Variants in NSMCE2 observed in about 807,000 individuals in gnomAD.
NSMCE2 encodes the protein NSE2 SUMO ligase component of SMC5/6 complex.
Under a neutral mutation model 23.8 loss-of-function variants are expected in NSMCE2, and 24 were observed. The observed-to-expected ratio is 1.01, with a 90% CI of 0.73 to 1.42. NSMCE2 has a LOEUF of 1.42. NSMCE2 is among the 40% of genes most tolerant of loss of function. The probability of loss-of-function intolerance (pLI) is 0.00; values close to 1 mark genes in which losing one functional copy is unlikely to be tolerated. For missense variants in NSMCE2, 284 were observed against 296.5 expected (o/e 0.96, Z 0.31); for synonymous variants, 92 against 94.1 (o/e 0.98, Z 0.13).
At chr8:125,318,071 A>C (rs971002624) in intron 5 of NSMCE2, among the ~76,000 whole-genome samples, 4 of 152,176 alleles carry the variant, frequency 2.6e-5, no homozygotes, top group Non-Finnish European at 5.9e-5. Context: ...AGCAGTACCA[A>C]TCACCAGTAA....
intron 5 of NSMCE2, among the ~76,000 whole-genome samples, chr8:125,206,136 T>C (rs905864052): frequency 6.6e-6 from 1 of 152,230 alleles, no homozygotes; most frequent in Non-Finnish European, 1.5e-5. Context: ...TATTTATATG[T>C]ATTCTGATCA....
At position 125,106,995 on chromosome 8, in the gene NSMCE2, CA is replaced by C. The variant is rs1294782045; in HGVS notation, c.157+4518del. ...TAAGTGAAAGGGCAAAATTCTGTCT[CA>C]AAAAAAAAACAACAAAAAAAAACTT... On this transcript the variant is annotated intron_variant, in intron 3 of 7. Transcript: ENST00000287437. Among the ~76,000 whole-genome samples the C allele has an allele frequency of 1.0e-3, 142 of 139,120 alleles. 1 individual carries two copies. Among genetic ancestry groups the C allele is most frequent in the African/African-American group, 3.4e-3 (129 of 38,062 alleles). 91.3% of individuals were successfully genotyped at this position (139,120 alleles called of 152,430 possible). A position where few individuals can be genotyped will look rare whatever the true frequency, so the allele number is the denominator to read the frequency against.
chr8:125,365,705 A>G (rs1813752940), intron 7 of NSMCE2, among the ~76,000 whole-genome samples: 1 of 151,852 alleles, frequency 6.6e-6, no homozygotes, highest in Admixed American at 6.6e-5. Flanking sequence ...AAAATACACA[A>G]AATTAGCCAG....
chr8:125,320,309 GGA>G (rs1186810493), intron 5 of NSMCE2, among the ~76,000 whole-genome samples: 1 of 107,874 alleles, frequency 9.3e-6, no homozygotes, highest in Non-Finnish European at 1.8e-5. Flanking sequence ...AGGAAGGAAG[GGA>G]AGGGAAGGAA....
intron 3 of NSMCE2, among the ~76,000 whole-genome samples, chr8:125,149,914 AT>A (rs1353045009): frequency 6.6e-6 from 1 of 151,936 alleles, no homozygotes; most frequent in East Asian, 1.9e-4. Flanking sequence ...CTTAAAAAGT[AT>A]TTGTAGGGAT....
At chr8:125,189,988 T>C (rs529981204) in intron 5 of NSMCE2, among the ~76,000 whole-genome samples, 2 of 152,358 alleles carry the variant, frequency 1.3e-5, no homozygotes, top group South Asian at 4.1e-4. Flanking sequence ...GTCTTCATTT[T>C]TTCCTTAAAG....
At chr8:125,260,419 AC>A (rs1443581884) in intron 5 of NSMCE2, among the ~76,000 whole-genome samples, 1 of 151,714 alleles carries the variant, frequency 6.6e-6, no homozygotes, top group East Asian at 1.9e-4. Context: ...ATTTTGATTC[AC>A]TGGGGCTATA....
intron 5 of NSMCE2, among the ~76,000 whole-genome samples, chr8:125,231,468 A>C (rs945931911): frequency 6.8e-4 from 104 of 152,276 alleles, no homozygotes; most frequent in African/African-American, 2.1e-3. Context: ...TCAGAGATCA[A>C]CCTCTTTAAT....
At chr8:125,136,861 TA>T (rs1357062868) in intron 3 of NSMCE2, among the ~76,000 whole-genome samples, 1 of 152,108 alleles carries the variant, frequency 6.6e-6, no homozygotes, top group East Asian at 1.9e-4. Flanking sequence ...AAAACATCTT[TA>T]AAATGTCAAT....
intron 7 of NSMCE2, among the ~76,000 whole-genome samples, chr8:125,362,227 G>A (rs978613377): frequency 2.0e-5 from 3 of 152,220 alleles, no homozygotes; most frequent in Non-Finnish European, 2.9e-5. Context: ...TACGGAGACA[G>A]TTGTTTCTCC....
intron 5 of NSMCE2, among the ~76,000 whole-genome samples, chr8:125,211,939 A>T (rs1211455910): frequency 6.6e-6 from 1 of 152,014 alleles, no homozygotes; most frequent in African/African-American, 2.4e-5. Context: ...CTAGTTTCTG[A>T]TATTCTGTTC....
Position 125,117,690 on chromosome 8 carries a change from A to G in NSMCE2, c.157+15203A>G, listed in dbSNP as rs142316112. On this transcript the variant is annotated intron_variant, in intron 3 of 7. Coordinates refer to ENST00000287437, the MANE Select transcript of NSMCE2 (RefSeq NM_173685.4). ...ACCACGATCCCCAGCTAATTTTTTT[A>G]TTATTTTTAGAGACAAGGTCTTGCT... is the stretch of plus-strand genomic sequence containing the variant. 6.0e-3 allele frequency among the ~76,000 whole-genome samples: 916 copies of G among 152,016 alleles called. 9 individuals carry two copies. The highest frequency in any genetic ancestry group is 0.012 in the Admixed American group (176 of 15,262).
rs574239409 is a variant in NSMCE2 at position 125,189,127 on chromosome 8, A to G, written c.418+6871A>G. The stretch of plus-strand genomic sequence containing the variant: ...GTATAACTGTTGTTAGAAATAGATA[A>G]TCAGTGTCACGAAGAAAAGTCAGCA... On this transcript the variant is annotated intron_variant, in intron 5 of 7. Transcript: ENST00000287437. Among the ~76,000 whole-genome samples, 6 of 152,384 alleles carry G rather than the reference A, an allele frequency of 3.9e-5. No individual in the cohort carries two copies. The East Asian group carries it at 1.2e-3, about 29-fold the overall frequency.
At chr8:125,118,730 G>A (rs749530372) in intron 3 of NSMCE2, among the ~76,000 whole-genome samples, 1 of 152,100 alleles carries the variant, frequency 6.6e-6, no homozygotes, top group Non-Finnish European at 1.5e-5. Context: ...AGAACTATAC[G>A]ACTATTAAGG....
At chr8:125,159,246 C>T (rs374436335) in intron 4 of NSMCE2, among the ~76,000 whole-genome samples, 7 of 152,082 alleles carry the variant, frequency 4.6e-5, no homozygotes, top group African/African-American at 7.2e-5. Context: ...ATAAATTAAA[C>T]GTTATTGTAG....
At chr8:125,318,244 A>G (rs1008914398) in intron 5 of NSMCE2, among the ~76,000 whole-genome samples, 6 of 152,196 alleles carry the variant, frequency 3.9e-5, no homozygotes, top group Non-Finnish European at 5.9e-5. Context: ...CCCCATATCT[A>G]CAAAAAATAC....
At chr8:125,132,803 TA>T (rs2130572296) in intron 3 of NSMCE2, among the ~76,000 whole-genome samples, 1 of 152,292 alleles carries the variant, frequency 6.6e-6, no homozygotes, top group Non-Finnish European at 1.5e-5. Context: ...GCCCAATTTT[TA>T]AATTGTTAAA....
intron 5 of NSMCE2, among the ~76,000 whole-genome samples, chr8:125,265,258 G>C (rs1389148295): frequency 7.5e-6 from 1 of 132,732 alleles, no homozygotes; most frequent in East Asian, 2.1e-4. Flanking sequence ...TTTCACTCTT[G>C]TTGCCCAGGC....
intron 5 of NSMCE2, among the ~76,000 whole-genome samples, chr8:125,257,548 T>G (rs1193264598): frequency 8.8e-6 from 1 of 113,002 alleles, no homozygotes. Flanking sequence ...TTTTTTTTTT[T>G]TCTGAGACGG....
Sources: gnomAD v4.1 joint callset for allele counts (sites outside exome capture counted in the v4.1 genomes callset) on GRCh38, gnomAD v4.1.1 for gene constraint, MANE v1.5 for transcripts, NCBI Gene and HGNC (gene_info 2026-07-23, HGNC 2026-07-21) for gene names.